SPMIP8: variants seen among roughly 807,000 people sequenced by gnomAD.
SPMIP8 encodes the protein sperm microtubule inner protein 8, also known as testicular tissue protein Li 196.
At chr16:57,985,192 C>G in the SPMIP8 span, 2 of 1,514,450 alleles carry the variant, frequency 1.3e-6, no homozygotes, top group African/African-American at 2.8e-5. Flanking sequence ...TCGAGAGGGG[C>G]TTTCTGTTCG....
At chr16:57,987,277 C>T in the SPMIP8 span, 1 of 1,078,348 alleles carries the variant, frequency 9.3e-7, no homozygotes, top group African/African-American at 1.7e-5. Flanking sequence ...CCACTGAAGT[C>T]TCCTGAGCCA....
chr16:57,976,561 C>A, the SPMIP8 span: 9 of 1,614,170 alleles, frequency 5.6e-6, no homozygotes, highest in Non-Finnish European at 7.6e-6. Context: ...GCCCATTGAG[C>A]AGTCAAAGAA....
chr16:57,984,329 C>T, the SPMIP8 span: 6 of 1,614,248 alleles, frequency 3.7e-6, no homozygotes, highest in Non-Finnish European at 5.1e-6. Flanking sequence ...CCATTTTACA[C>T]TCCTTGGGGT....
At chr16:57,981,563 G>A in the SPMIP8 span, among the ~76,000 whole-genome samples, 1 of 116,768 alleles carries the variant, frequency 8.6e-6, no homozygotes, top group African/African-American at 3.6e-5. Flanking sequence ...CCAGGCTGGA[G>A]TGCAGTGGCG....
the SPMIP8 span, chr16:57,984,705 G>T: frequency 6.3e-7 from 1 of 1,599,044 alleles, no homozygotes. Flanking sequence ...CATCGCGCCA[G>T]GCATCAACCG....
chr16:57,981,389 A>AATAATAATTATAATTATTATT, the SPMIP8 span, among the ~76,000 whole-genome samples: 1 of 132,912 alleles, frequency 7.5e-6, no homozygotes, highest in Non-Finnish European at 1.6e-5. Flanking sequence ...CAATAATAAT[A>AATAATAATTATAATTATTATT]ATAATTATTA....
At chr16:57,978,112 G>A in the SPMIP8 span, 3 of 1,494,412 alleles carry the variant, frequency 2.0e-6, no homozygotes, top group Non-Finnish European at 2.7e-6. Context: ...ACAGATGCAA[G>A]GATGAAAGAG....
At chr16:57,985,171 C>T in the SPMIP8 span, 53 of 1,456,336 alleles carry the variant, frequency 3.6e-5, 2 homozygotes, top group African/African-American at 7.2e-4. Flanking sequence ...TGGGGGGGGG[C>T]GGATGAGCGC....
At chr16:57,987,325 G>C in the SPMIP8 span, 360 of 1,401,910 alleles carry the variant, frequency 2.6e-4, no homozygotes, top group Non-Finnish European at 3.1e-4. Context: ...TCAGATCCTA[G>C]AGGGGAAAAG....
At chr16:57,984,488 C>A in the SPMIP8 span, 1 of 1,518,200 alleles carries the variant, frequency 6.6e-7, no homozygotes. Context: ...CTCCCCACAT[C>A]ACCCCATCCG....
At chr16:57,976,596 A>G in the SPMIP8 span, 6 of 1,614,110 alleles carry the variant, frequency 3.7e-6, no homozygotes, top group Non-Finnish European at 4.2e-6. Context: ...AAGCCTGTGC[A>G]CCTGGGCCTG....
chr16:57,987,348 C>A, the SPMIP8 span: 1 of 1,485,520 alleles, frequency 6.7e-7, no homozygotes, highest in Non-Finnish European at 8.9e-7. Context: ...TGATTTTTCC[C>A]CTAGGACACC....
the SPMIP8 span, chr16:57,984,485 C>G: frequency 6.6e-7 from 1 of 1,518,008 alleles, no homozygotes; most frequent in Non-Finnish European, 9.1e-7. Flanking sequence ...CCGCTCCCCA[C>G]ATCACCCCAT....
the SPMIP8 span, chr16:57,977,968 AC>A: frequency 1.9e-6 from 3 of 1,614,058 alleles, no homozygotes; most frequent in Non-Finnish European, 1.7e-6. Context: ...ACCCTGCGCC[AC>A]ATGGACAGGG....
At chr16:57,980,237 G>A in the SPMIP8 span, among the ~76,000 whole-genome samples, 1 of 152,140 alleles carries the variant, frequency 6.6e-6, no homozygotes, top group African/African-American at 2.4e-5. Context: ...CAAAGGGTTG[G>A]CTAAACATAC....
At chr16:57,985,117 G>A in the SPMIP8 span, 3 of 1,349,902 alleles carry the variant, frequency 2.2e-6, no homozygotes, top group Non-Finnish European at 2.9e-6. Flanking sequence ...TGTGGGCGGG[G>A]CTGGATTGTG....
the SPMIP8 span, chr16:57,984,218 AAGTAC>A: frequency 6.9e-7 from 1 of 1,441,836 alleles, no homozygotes; most frequent in African/African-American, 1.4e-5. Context: ...AAAATTTTTA[AAGTAC>A]AGTGTGGGCC....
the SPMIP8 span, among the ~76,000 whole-genome samples, chr16:57,980,397 G>A: frequency 6.6e-6 from 1 of 152,204 alleles, no homozygotes; most frequent in Non-Finnish European, 1.5e-5. Flanking sequence ...GTCCCTATAC[G>A]TCAAAAGTTC....
chr16:57,982,935 C>A, the SPMIP8 span, among the ~76,000 whole-genome samples: 1 of 152,070 alleles, frequency 6.6e-6, no homozygotes, highest in Non-Finnish European at 1.5e-5. Flanking sequence ...GAGGCTGAGG[C>A]GTGAGAATCG....
Sources: gnomAD v4.1 joint callset for allele counts (sites outside exome capture counted in the v4.1 genomes callset) on GRCh38, gnomAD v4.1.1 for gene constraint, MANE v1.5 for transcripts, NCBI Gene and HGNC (gene_info 2026-07-23, HGNC 2026-07-21) for gene names.